FBXO34: variants seen among roughly 807,000 people sequenced by gnomAD.
The protein encoded by FBXO34 is F-box protein 34, also known as F-box only protein 34.
In FBXO34, 12 loss-of-function variants were observed where a neutral mutation model predicts 24.5. The observed-to-expected ratio is 0.49, with a 90% CI of 0.31 to 0.79. The LOEUF (loss-of-function observed/expected upper bound fraction) is 0.79, where lower values mean the gene tolerates loss of function less well. Among genes scored for constraint, FBXO34 ranks in the 30% least tolerant of loss-of-function variants. The probability of loss-of-function intolerance (pLI) is 0.04; values close to 1 mark genes in which losing one functional copy is unlikely to be tolerated. For synonymous variants in FBXO34, 320 were observed against 311.9 expected, an observed-to-expected ratio of 1.03 and a Z score of -0.27; for missense variants, 823 against 857.7, an observed-to-expected ratio of 0.96 and a Z score of 0.51.
chr14:55,415,333 C>CT, the FBXO34 span, among the ~76,000 whole-genome samples: 4 of 152,154 alleles, frequency 2.6e-5, no homozygotes, highest in African/African-American at 9.7e-5. Context: ...GATAAAGACT[C>CT]TTAAGAACTA....
rs1883574640 is a variant in FBXO34 at position 55,331,747 on chromosome 14, ATATATATATATATG to A, written c.-10-18620_-10-18607del. 5.4e-5 allele frequency among the ~76,000 whole-genome samples: 3 copies of A among 55,672 alleles called. 1 individual carries two copies. In the African/African-American group the frequency reaches 5.8e-4, roughly 11 times the overall value. The allele number at this position is 55,672 out of a possible 152,430, so 36.5% of individuals were successfully genotyped here. ...TATATATGTATATATATATGTGTGT[ATATATATATATATG>A]TATATATATATATATATACCACCAT... On this transcript the variant is annotated intron_variant, in intron 1 of 1. Coordinates refer to ENST00000313833, the MANE Select transcript of FBXO34 (RefSeq NM_017943.4).
At chr14:55,410,828 A>G in the FBXO34 span, among the ~76,000 whole-genome samples, 67 of 152,338 alleles carry the variant, frequency 4.4e-4, no homozygotes, top group African/African-American at 1.4e-3. Context: ...ATTGACTATC[A>G]TTGACACTAA....
intron 1 of FBXO34, among the ~76,000 whole-genome samples, chr14:55,295,779 G>A (rs950838858): frequency 6.6e-6 from 1 of 152,084 alleles, no homozygotes; most frequent in Non-Finnish European, 1.5e-5. Flanking sequence ...TGTTGAAGCT[G>A]GAATTCAAAT....
At chr14:55,297,491 A>T (rs1355234790) in intron 1 of FBXO34, among the ~76,000 whole-genome samples, 1 of 152,208 alleles carries the variant, frequency 6.6e-6, no homozygotes, top group East Asian at 1.9e-4. Context: ...TTTAAAATAC[A>T]TGTTAAATGC....
At position 55,352,385 on chromosome 14, in the gene FBXO34, G is replaced by A; in HGVS notation, c.1995G>A (p.Trp665Ter). 6.2e-7 allele frequency: 1 copy of A among 1,614,224 alleles called. No individual in the cohort carries two copies. Among genetic ancestry groups the A allele is most frequent in the Non-Finnish European group, 8.5e-7 (1 of 1,180,040 alleles). The change falls in exon 2 of 2, where the codon TGG becomes TGA. Residue 665 changes from tryptophan to a stop codon, truncating the protein, a stop_gained. Coordinates refer to ENST00000313833, the MANE Select transcript of FBXO34 (RefSeq NM_017943.4). LOFTEE classifies it high-confidence loss of function. The stretch of plus-strand genomic sequence containing the variant: ...CATTGCCCTATGGGCCAGGGTATTG[G>A]ATGTGCTGCCACCGGTCTCAGAAAG... ...CQALPYGPGY[W>*]MCCHRSQKGF...
intron 1 of FBXO34, among the ~76,000 whole-genome samples, chr14:55,279,228 G>A (rs551867528): frequency 3.6e-4 from 55 of 151,078 alleles, no homozygotes; most frequent in Non-Finnish European, 6.9e-4. Context: ...GGAGGCTGCA[G>A]TGAGCTGAGG....
intron 1 of FBXO34, among the ~76,000 whole-genome samples, chr14:55,273,656 G>A (rs145571094): frequency 3.0e-3 from 456 of 152,316 alleles, no homozygotes; most frequent in Middle Eastern, 0.014. Flanking sequence ...TATTGAGAGT[G>A]TTAGTCAACC....
chr14:55,422,809 C>A, the FBXO34 span, among the ~76,000 whole-genome samples: 1 of 152,000 alleles, frequency 6.6e-6, no homozygotes, highest in Non-Finnish European at 1.5e-5. Context: ...GCTGAGATCG[C>A]GCCGCCATAG....
the FBXO34 span, among the ~76,000 whole-genome samples, chr14:55,435,627 A>C: frequency 6.6e-6 from 1 of 152,150 alleles, no homozygotes; most frequent in Non-Finnish European, 1.5e-5. Context: ...CAAGGGAGAG[A>C]GCTTATCTTT....
chr14:55,355,070 C>G (rs1382161139), downstream of FBXO34: 2 of 152,180 alleles, frequency 1.3e-5, no homozygotes, highest in East Asian at 3.8e-4. Flanking sequence ...CAAGCCCTTA[C>G]TTGATCATCT....
At chr14:55,364,485 TACGATC>T (rs1884636364), downstream of FBXO34, among the ~76,000 whole-genome samples, 1 of 151,830 alleles carries the variant, frequency 6.6e-6, no homozygotes, top group Non-Finnish European at 1.5e-5. Flanking sequence ...CATGCAGTGG[TACGATC>T]TTGGATCACT....
chr14:55,299,056 C>A, intron 1 of FBXO34: 2 of 1,582,368 alleles, frequency 1.3e-6, no homozygotes, highest in Admixed American at 3.3e-5. Flanking sequence ...ACAGCAATTT[C>A]GAAACCTGTA....
In FBXO34 at chr14:55,350,657, G is replaced by A. The variant is rs548100806; in HGVS notation, c.267G>A (p.Lys89=). ...GCAGCTTGAATGTTAAAACCAAAAA[G>A]AATGCACCATCTGCAACGATCCACC... ...VESSLNVKTK[K]NAPSATIHQG... is the part of the protein sequence containing the mutation. Residue 89 remains lysine (K), a synonymous_variant, in exon 2 of 2, where the codon AAG becomes AAA. Transcript: ENST00000313833. The A allele has an allele frequency of 1.2e-6, 2 of 1,613,886 alleles. No homozygotes were observed. Among genetic ancestry groups the A allele is most frequent in the Admixed American group, 1.7e-5 (1 of 59,954 alleles).
intron 1 of FBXO34, among the ~76,000 whole-genome samples, chr14:55,276,095 A>G (rs1230734694): frequency 6.6e-6 from 1 of 152,228 alleles, no homozygotes; most frequent in Non-Finnish European, 1.5e-5. Flanking sequence ...TTAGAAGCAT[A>G]GAAAAGAGGG....
chr14:55,305,925 T>C (rs541728430), intron 1 of FBXO34, among the ~76,000 whole-genome samples: 1 of 152,256 alleles, frequency 6.6e-6, no homozygotes, highest in Non-Finnish European at 1.5e-5. Context: ...TGATTTTTGC[T>C]CTGAAGCCTG....
intron 1 of FBXO34, among the ~76,000 whole-genome samples, chr14:55,277,546 G>C (rs919263235): frequency 6.6e-6 from 1 of 151,964 alleles, no homozygotes. Flanking sequence ...GGAGTGCAGT[G>C]GCTGTTCAAA....
At chr14:55,286,199 T>C (rs1165418453) in intron 1 of FBXO34, among the ~76,000 whole-genome samples, 2 of 152,224 alleles carry the variant, frequency 1.3e-5, no homozygotes, top group Admixed American at 1.3e-4. Flanking sequence ...TTTCTACTTT[T>C]AAAGGATGTT....
the FBXO34 span, among the ~76,000 whole-genome samples, chr14:55,407,886 G>A: frequency 1.3e-4 from 20 of 152,046 alleles, no homozygotes; most frequent in African/African-American, 4.8e-4. Flanking sequence ...TGAAAGACAA[G>A]GTATCAATCA....
At chr14:55,411,516 A>G in the FBXO34 span, 2 of 1,321,940 alleles carry the variant, frequency 1.5e-6, no homozygotes, top group South Asian at 2.8e-5. Context: ...TGGTGCCCGG[A>G]CGGGGAGCCC....
Sources: gnomAD v4.1 joint callset for allele counts (sites outside exome capture counted in the v4.1 genomes callset) on GRCh38, gnomAD v4.1.1 for gene constraint, MANE v1.5 for transcripts, NCBI Gene and HGNC (gene_info 2026-07-23, HGNC 2026-07-21) for gene names.